The following TENT4B variants were observed in gnomAD, a reference collection of about 807,000 sequenced individuals.
The protein encoded by TENT4B is terminal nucleotidyltransferase 4B.
TENT4B carries 10 observed loss-of-function variants against 75.0 expected under a neutral mutation model. The observed-to-expected ratio is 0.13, with a 90% confidence interval of 0.08 to 0.23. The LOEUF is 0.23. Among genes scored for constraint, TENT4B ranks in the 10% least tolerant of loss-of-function variants. The pLI is 1.00. For missense variants in TENT4B, 579 were observed against 893.8 expected, an observed-to-expected ratio of 0.65 and a Z score of 4.49; for synonymous variants, 350 against 357.7, an observed-to-expected ratio of 0.98 and a Z score of 0.24.
Position 50,233,671 on chromosome 16 carries a change from C to G in TENT4B, c.*4343C>G, listed in dbSNP as rs1177532249. ...AAACTGCTAATGTTTATTTTACTGT[C>G]TCTCAGGTTTTTGGTTTTTTTAAAA... is the stretch of plus-strand genomic sequence containing the variant. On this transcript the variant is annotated 3_prime_UTR_variant, in exon 12 of 12. Transcript: ENST00000561678. 7.2e-6 allele frequency: 7 copies of G among 971,974 alleles called. No individual in the cohort carries two copies. The highest frequency in any genetic ancestry group is 8.5e-6 in the Non-Finnish European group (7 of 824,158). 60.2% of individuals were successfully genotyped at this position (971,974 alleles called of 1,614,324 possible). A position where few individuals can be genotyped will look rare whatever the true frequency, so the allele number is the denominator to read the frequency against.
At chr16:50,215,438 A>C (rs1410628805) in intron 3 of TENT4B, among the ~76,000 whole-genome samples, 1 of 152,234 alleles carries the variant, frequency 6.6e-6, no homozygotes, top group Non-Finnish European at 1.5e-5. Flanking sequence ...TCAGTAAAAC[A>C]TGAAAAATCA....
At chr16:50,164,724 A>T (rs965342188) in intron 1 of TENT4B, among the ~76,000 whole-genome samples, 3 of 152,146 alleles carry the variant, frequency 2.0e-5, no homozygotes, top group South Asian at 2.1e-4. Context: ...TATTGTGGAT[A>T]TACTTTTTTG....
chr16:50,156,470 G>A (rs181050576), intron 1 of TENT4B, among the ~76,000 whole-genome samples: 1 of 151,554 alleles, frequency 6.6e-6, no homozygotes, highest in Non-Finnish European at 1.5e-5. Flanking sequence ...TCAGCCTCCC[G>A]AGTAGCTGGG....
intron 1 of TENT4B, among the ~76,000 whole-genome samples, chr16:50,184,712 T>G (rs913425287): frequency 7.3e-5 from 11 of 149,938 alleles, no homozygotes; most frequent in African/African-American, 2.4e-4. Context: ...TGCTTGAGGG[T>G]TTTTTTTTAT....
chr16:50,226,244 A>G (rs971054537), intron 10 of TENT4B, among the ~76,000 whole-genome samples: 3 of 151,696 alleles, frequency 2.0e-5, no homozygotes, highest in Non-Finnish European at 4.4e-5. Flanking sequence ...CAAGAGATCC[A>G]CCCGCCTCAG....
chr16:50,172,584 C>CTAGTA (rs2038227887), intron 1 of TENT4B, among the ~76,000 whole-genome samples: 1 of 150,998 alleles, frequency 6.6e-6, no homozygotes, highest in African/African-American at 2.4e-5. Context: ...ATCTCCCTCA[C>CTAGTA]ATTTCCCCAT....
intron 1 of TENT4B, among the ~76,000 whole-genome samples, chr16:50,175,156 G>T (rs1353135329): frequency 3.3e-5 from 5 of 151,968 alleles, no homozygotes; most frequent in Non-Finnish European, 1.5e-5. Flanking sequence ...CTCTTTCTGG[G>T]TCTGGCTTCT....
At chr16:50,208,207 C>A (rs1368244828) in intron 1 of TENT4B, among the ~76,000 whole-genome samples, 1 of 152,098 alleles carries the variant, frequency 6.6e-6, no homozygotes, top group Non-Finnish European at 1.5e-5. Flanking sequence ...AAATATGCAT[C>A]AATCAAAATA....
Position 50,224,694 on chromosome 16 carries a change from A to G in TENT4B, c.1419A>G (p.Gln473=). Residue 473 remains glutamine (Q), a synonymous_variant, in exon 8 of 12, where the codon CAA becomes CAG. Transcript: ENST00000561678. ...DVGRSSYGAM[Q]VKQAFDYAYV... is the part of the protein sequence containing the mutation. ...GAAGGAGTTCATATGGGGCCATGCA[A>G]GTGAAGCAGGCCTTTGATTATGCCT... is the stretch of plus-strand genomic sequence containing the variant. 6.2e-7 allele frequency: 1 copy of G among 1,614,024 alleles called. No individual in the cohort carries two copies. The highest frequency in any genetic ancestry group is 1.6e-4 in the Middle Eastern group (1 of 6,062).
Position 50,224,637 on chromosome 16 carries a change from T to TA in TENT4B, c.1382-19dup. 1 of 1,613,640 alleles carries TA rather than the reference T, an allele frequency of 6.2e-7. No individual in the cohort carries two copies. ...TTAAGCACAGTCAGGCTTACTATGT[T>TA]ACGTATATTTCTTTTAAAGGTAACG... is the stretch of plus-strand genomic sequence containing the variant. On this transcript the variant is annotated intron_variant, in intron 7 of 11. Coordinates refer to ENST00000561678, the MANE Select transcript of TENT4B (RefSeq NM_001365324.3).
intron 1 of TENT4B, among the ~76,000 whole-genome samples, chr16:50,184,106 C>T (rs555530109): frequency 3.9e-5 from 6 of 152,198 alleles, no homozygotes; most frequent in South Asian, 2.1e-4. Flanking sequence ...TTTGTCTCCA[C>T]GGATTTGACT....
At chr16:50,177,254 T>C (rs773781316) in intron 1 of TENT4B, among the ~76,000 whole-genome samples, 8 of 152,112 alleles carry the variant, frequency 5.3e-5, no homozygotes, top group Non-Finnish European at 8.8e-5. Context: ...CCACCTGTCT[T>C]GTCCTCCCAA....
intron 1 of TENT4B, among the ~76,000 whole-genome samples, chr16:50,163,650 C>T (rs371952452): frequency 2.0e-5 from 3 of 151,196 alleles, no homozygotes; most frequent in East Asian, 3.9e-4. Flanking sequence ...CCACCTGCCT[C>T]GGCCTCCCAA....
intron 4 of TENT4B, among the ~76,000 whole-genome samples, chr16:50,217,305 T>C (rs1485913424): frequency 1.3e-5 from 2 of 152,128 alleles, no homozygotes; most frequent in East Asian, 3.8e-4. Context: ...TAATAAAAAA[T>C]TGGACACCAA....
At chr16:50,203,310 T>C (rs1446460555) in intron 1 of TENT4B, among the ~76,000 whole-genome samples, 1 of 152,242 alleles carries the variant, frequency 6.6e-6, no homozygotes, top group Non-Finnish European at 1.5e-5. Flanking sequence ...AATGAGTTTC[T>C]TGTCCACAAA....
At chr16:50,168,404 G>A (rs1370631482) in intron 1 of TENT4B, among the ~76,000 whole-genome samples, 2 of 151,568 alleles carry the variant, frequency 1.3e-5, no homozygotes, top group African/African-American at 4.8e-5. Context: ...GGTTTCAAGA[G>A]ATTCTTCTGC....
chr16:50,189,932 C>T (rs1348176432), intron 1 of TENT4B, among the ~76,000 whole-genome samples: 1 of 151,546 alleles, frequency 6.6e-6, no homozygotes, highest in Non-Finnish European at 1.5e-5. Flanking sequence ...CAAAATTAGC[C>T]TGGCGTAGTG....
intron 1 of TENT4B, among the ~76,000 whole-genome samples, chr16:50,175,839 T>C (rs1384360288): frequency 6.6e-6 from 1 of 152,074 alleles, no homozygotes; most frequent in East Asian, 1.9e-4. Context: ...TGCAGTATAG[T>C]GACACCATCA....
Position 50,211,307 on chromosome 16 carries a change from C to T in TENT4B, c.639-16C>T. 1.2e-6 allele frequency: 2 copies of T among 1,600,304 alleles called. No individual in the cohort carries two copies. The highest frequency in any genetic ancestry group is 1.7e-6 in the Non-Finnish European group (2 of 1,175,360). On this transcript the variant is annotated splice_polypyrimidine_tract_variant and intron_variant, in intron 1 of 11. Transcript: ENST00000561678. ...ATTGGCCCTGTTCATATTAACTTTT[C>T]TGTTTTTTTCTTCAGTCTGCATGAA...
Sources: gnomAD v4.1 joint callset for allele counts (sites outside exome capture counted in the v4.1 genomes callset) on GRCh38, gnomAD v4.1.1 for gene constraint, MANE v1.5 for transcripts, NCBI Gene and HGNC (gene_info 2026-07-23, HGNC 2026-07-21) for gene names.